Variants in LMLN observed in about 807,000 individuals in gnomAD.
LMLN encodes the protein leishmanolysin like peptidase, also known as leishmanolysin-like peptidase.
In LMLN, 70 loss-of-function variants were observed where a neutral mutation model predicts 92.3. The observed-to-expected ratio is 0.76, with a 90% CI of 0.63 to 0.92. LMLN has a LOEUF of 0.92. LMLN is among the 40% of genes least tolerant of loss of function. The pLI, the probability that LMLN is intolerant of heterozygous loss-of-function variation, is 0.00. For synonymous variants in LMLN, 308 were observed against 296.2 expected (o/e 1.04, Z -0.41); for missense variants, 691 against 814.6 (o/e 0.85, Z 1.85).
At chr3:197,969,965 G>A (rs1721179200) in intron 1 of LMLN, among the ~76,000 whole-genome samples, 1 of 152,078 alleles carries the variant, frequency 6.6e-6, no homozygotes, top group South Asian at 2.1e-4. Context: ...CCAACGTGGT[G>A]AAACCCTGTC....
chr3:197,988,050 C>A (rs1393002996), intron 8 of LMLN, among the ~76,000 whole-genome samples: 3 of 151,980 alleles, frequency 2.0e-5, no homozygotes, highest in Non-Finnish European at 4.4e-5. Flanking sequence ...ACTCCTTTTT[C>A]ATGCTTATTA....
At chr3:197,985,228 G>A (rs1198021088) in intron 7 of LMLN, among the ~76,000 whole-genome samples, 1 of 152,040 alleles carries the variant, frequency 6.6e-6, no homozygotes, top group East Asian at 1.9e-4. Context: ...CTCTTGTTCA[G>A]AAGTGATACC....
At chr3:198,010,084 A>G (rs760207843) in intron 11 of LMLN, among the ~76,000 whole-genome samples, 2 of 151,952 alleles carry the variant, frequency 1.3e-5, no homozygotes, top group Admixed American at 6.6e-5. Flanking sequence ...TTTGTTTTCA[A>G]ATTCATTGAT....
Position 197,999,264 on chromosome 3 carries a change from A to T in LMLN, c.1156-2A>T. 1 of 1,611,374 alleles carries T rather than the reference A, an allele frequency of 6.2e-7. No individual in the cohort carries two copies. Among genetic ancestry groups the T allele is most frequent in the Non-Finnish European group, 8.5e-7 (1 of 1,177,500 alleles). ...TAATTAAACCCTGTTGGTGATTTTCAGAATGAAGCGATGACTGGTTCTCAC... is the reference window on the plus strand; with the variant it reads ...TAATTAAACCCTGTTGGTGATTTTCTGAATGAAGCGATGACTGGTTCTCAC... On this transcript the variant is annotated splice_acceptor_variant, in intron 10 of 15. Transcript: ENST00000330198. LOFTEE classifies it high-confidence loss of function.
At chr3:198,040,561 C>A (rs911387425) in exon 16 of LMLN, 182 of 150,716 alleles carry the variant, frequency 1.2e-3, no homozygotes, top group African/African-American at 4.2e-3. Flanking sequence ...TAACCACAAC[C>A]CTCGGACAGA....
chr3:198,038,642 G>C, exon 16 of LMLN: 1 of 1,613,590 alleles, frequency 6.2e-7, no homozygotes, highest in South Asian at 1.1e-5. Context: ...CTGCTGGCTG[G>C]ATTTCTTCTG....
rs532160907 is a variant in LMLN, at chr3:198,034,985, G to A, written c.1657-848G>A. ...CAGGGTGGGTGGATAACTTGAGTCC[G>A]GGAGTTCGAGACCAGCCTAGGCAAC... On this transcript the variant is annotated intron_variant, in intron 14 of 15. Transcript: ENST00000330198. Among the ~76,000 whole-genome samples, 212 of 152,126 alleles carry A rather than the reference G, an allele frequency of 1.4e-3. 1 individual carries two copies. In the South Asian group the frequency reaches 0.014, roughly 10 times the overall value.
chr3:197,993,202 C>CT (rs1411535618), intron 9 of LMLN, among the ~76,000 whole-genome samples: 2 of 152,098 alleles, frequency 1.3e-5, no homozygotes, highest in Non-Finnish European at 2.9e-5. Context: ...AATGGAAAGC[C>CT]TTTCCTCCAA....
chr3:198,027,343 G>A (rs1350537079), intron 14 of LMLN, among the ~76,000 whole-genome samples: 1 of 152,030 alleles, frequency 6.6e-6, no homozygotes, highest in Non-Finnish European at 1.5e-5. Context: ...GAAAGGGAGG[G>A]ATCACTGGGC....
chr3:197,961,532 T>A (rs927399743), intron 1 of LMLN, among the ~76,000 whole-genome samples: 1 of 152,290 alleles, frequency 6.6e-6, no homozygotes, highest in South Asian at 2.1e-4. Flanking sequence ...TTAAAAAAAA[T>A]TTCCCACAAA....
intron 11 of LMLN, 95 bp from the exon 12 acceptor site, chr3:198,002,920 C>T: frequency 2.8e-6 from 2 of 702,830 alleles, no homozygotes; most frequent in South Asian, 1.8e-5. Flanking sequence ...TTCTTAAGGT[C>T]CTAATGTGCT....
At chr3:197,992,659 A>C (rs562416846) in intron 9 of LMLN, among the ~76,000 whole-genome samples, 1 of 152,344 alleles carries the variant, frequency 6.6e-6, no homozygotes, top group East Asian at 1.9e-4. Context: ...CTGCCATCAA[A>C]GAGAAGCCCA....
At chr3:197,996,252 G>A (rs1283188993) in exon 10 of LMLN, 1 of 1,601,990 alleles carries the variant, frequency 6.2e-7, no homozygotes, top group Admixed American at 1.7e-5. Flanking sequence ...TGGGCACTGA[G>A]CTCAACCATT....
At chr3:198,027,918 A>T (rs1235094324) in intron 14 of LMLN, among the ~76,000 whole-genome samples, 1 of 152,094 alleles carries the variant, frequency 6.6e-6, no homozygotes, top group Admixed American at 6.5e-5. Flanking sequence ...TTTTTTAGGA[A>T]CTACCAAACT....
At chr3:197,977,007 A>G (rs965486969) in intron 5 of LMLN, among the ~76,000 whole-genome samples, 2 of 152,232 alleles carry the variant, frequency 1.3e-5, no homozygotes, top group Non-Finnish European at 2.9e-5. Context: ...AGCAAGGCAT[A>G]TATCTCAGTT....
intron 1 of LMLN, among the ~76,000 whole-genome samples, chr3:197,972,482 A>G (rs1239274389): frequency 6.6e-6 from 1 of 151,978 alleles, no homozygotes; most frequent in African/African-American, 2.4e-5. Context: ...CTTACTCATT[A>G]TGTGTATGTT....
At chr3:198,011,519 A>G (rs1233100022) in intron 11 of LMLN, among the ~76,000 whole-genome samples, 9 of 151,408 alleles carry the variant, frequency 5.9e-5, no homozygotes, top group Admixed American at 2.0e-4. Flanking sequence ...AATCCAGTCT[A>G]TCATTGTTGG....
At chr3:198,035,683 A>T in intron 14 of LMLN, 150 bp from the exon 16 acceptor site, 1 of 639,480 alleles carries the variant, frequency 1.6e-6, no homozygotes, top group Non-Finnish European at 2.6e-6. Context: ...ATATGAGGTT[A>T]AAGTTATGCC....
chr3:198,029,979 A>G (rs979368317), intron 14 of LMLN, among the ~76,000 whole-genome samples: 3 of 151,678 alleles, frequency 2.0e-5, no homozygotes. Context: ...AGTAGCTGGG[A>G]TTATAGGCGC....
Sources: gnomAD v4.1 joint callset for allele counts (sites outside exome capture counted in the v4.1 genomes callset) on GRCh38, gnomAD v4.1.1 for gene constraint, MANE v1.5 for transcripts, NCBI Gene and HGNC (gene_info 2026-07-23, HGNC 2026-07-21) for gene names.